Variants in CHAT observed in about 807,000 individuals in gnomAD.
CHAT encodes choline O-acetyltransferase.
A neutral mutation model predicts 76.9 loss-of-function variants in CHAT; 61 were observed. The ratio of observed to expected loss-of-function variants is 0.79; its 90% confidence interval spans 0.65 to 0.98. CHAT has a LOEUF of 0.98. CHAT is among the 50% of genes least tolerant of loss of function. The probability of loss-of-function intolerance (pLI) is 0.00; values close to 1 mark genes in which losing one functional copy is unlikely to be tolerated. For missense variants in CHAT, 946 were observed against 986.9 expected (o/e 0.96, Z 0.56); for synonymous variants, 407 against 397.4 (o/e 1.02, Z -0.29).
At chr10:49,623,641 T>G (rs1163955637) in intron 5 of CHAT, among the ~76,000 whole-genome samples, 1 of 152,118 alleles carries the variant, frequency 6.6e-6, no homozygotes, top group Non-Finnish European at 1.5e-5. Context: ...CCGGGGTGTC[T>G]CTCAGTCATT....
At position 49,619,748 on chromosome 10, in the gene CHAT, C is replaced by T. The variant is rs764063564; in HGVS notation, c.411C>T (p.Pro137=). 6.2e-7 allele frequency: 1 copy of T among 1,613,084 alleles called. No individual in the cohort carries two copies. Among genetic ancestry groups the T allele is most frequent in the Admixed American group, 1.7e-5 (1 of 60,024 alleles). Residue 137 remains proline (P), a synonymous_variant, in exon 3 of 15, where the codon CCC becomes CCT. Coordinates refer to ENST00000337653, the MANE Select transcript of CHAT (RefSeq NM_020549.5). ...AGGGGCTGCCCAAACTGCCCGTGCCCCCGCTGCAGCAGACCCTGGCCACGT... is the reference window on the plus strand; with the variant it reads ...AGGGGCTGCCCAAACTGCCCGTGCCTCCGCTGCAGCAGACCCTGGCCACGT... The part of the protein sequence containing the change: ...EESGLPKLPV[P]PLQQTLATYL...
chr10:49,664,265 C>G (rs1453879693), intron 14 of CHAT, among the ~76,000 whole-genome samples: 2 of 152,196 alleles, frequency 1.3e-5, no homozygotes, highest in Non-Finnish European at 2.9e-5. Context: ...AAACACCCAA[C>G]TCTGGGTAAT....
chr10:49,610,234 C>A (rs112117098), upstream of CHAT: 7,161 of 152,458 alleles, frequency 0.047, 581 homozygotes, highest in African/African-American at 0.16. Context: ...GGCCCGGGCA[C>A]CACTCGGGGG....
intron 5 of CHAT, among the ~76,000 whole-genome samples, chr10:49,623,876 C>T (rs1287575407): frequency 6.6e-6 from 1 of 152,224 alleles, no homozygotes; most frequent in Non-Finnish European, 1.5e-5. Context: ...CTCCCTCCTC[C>T]TTCCCTGCTG....
At position 49,641,574 on chromosome 10, in the gene CHAT, C is replaced by A. The variant is rs150165980; in HGVS notation, c.1112-4931C>A. 2.5e-3 allele frequency among the ~76,000 whole-genome samples: 375 copies of A among 152,184 alleles called. 3 individuals carry two copies. Among genetic ancestry groups the A allele is most frequent in the African/African-American group, 8.7e-3 (362 of 41,520 alleles). The stretch of plus-strand genomic sequence containing the variant: ...CTGAGGACTGACAGCATAAAGATCA[C>A]CCCCTAGGCCAGAGAGTCGGGAAGA... On this transcript the variant is annotated intron_variant, in intron 7 of 14. Transcript: ENST00000337653.
intron 7 of CHAT, among the ~76,000 whole-genome samples, chr10:49,645,903 G>T (rs568827460): frequency 6.6e-6 from 1 of 152,180 alleles, no homozygotes; most frequent in Non-Finnish European, 1.5e-5. Flanking sequence ...TCCAGATGTG[G>T]GTTCAAGGCA....
intron 7 of CHAT, among the ~76,000 whole-genome samples, chr10:49,642,400 CCTGT>C (rs1257166888): frequency 6.6e-6 from 1 of 152,196 alleles, no homozygotes; most frequent in Non-Finnish European, 1.5e-5. Flanking sequence ...CCCATTTTAC[CCTGT>C]CTAATGAGCC....
In CHAT at chr10:49,619,913, C is replaced by T. The variant is rs150236872; in HGVS notation, c.576C>T (p.Asn192=). The part of the protein sequence containing the change: ...KLLERQEKTA[N]WVSEYWLNDM... ...TGGAGCGGCAGGAGAAGACAGCCAACTGGGTAAGAGGGGCAGACAAGGAAC... is the reference window on the plus strand; with the variant it reads ...TGGAGCGGCAGGAGAAGACAGCCAATTGGGTAAGAGGGGCAGACAAGGAAC... The change falls in exon 3 of 15, where the codon AAC becomes AAT. Residue 192 remains asparagine, a synonymous_variant. Transcript: ENST00000337653. The T allele has an allele frequency of 3.1e-4, 495 of 1,610,814 alleles. No individual in the cohort carries two copies. The African/African-American group carries it at 5.9e-3, about 19-fold the overall frequency.
At chr10:49,646,280 G>A (rs889471127) in intron 7 of CHAT, among the ~76,000 whole-genome samples, 32 of 152,222 alleles carry the variant, frequency 2.1e-4, no homozygotes, top group Admixed American at 1.2e-3. Flanking sequence ...TGCAGGGACC[G>A]TGCGAATGAG....
intron 5 of CHAT, among the ~76,000 whole-genome samples, chr10:49,623,078 C>T (rs577697369): frequency 6.6e-6 from 1 of 152,322 alleles, no homozygotes; most frequent in East Asian, 1.9e-4. Flanking sequence ...GCTCTGCTCA[C>T]TCCTCTCTAA....
Position 49,614,464 on chromosome 10 carries a change from C to A in CHAT, c.275C>A (p.Pro92Gln), listed in dbSNP as rs372298555. 13 of 1,546,690 alleles carry A rather than the reference C, an allele frequency of 8.4e-6. No homozygotes were observed. The Admixed American group carries it at 2.4e-4, about 28-fold the overall frequency. The stretch of plus-strand genomic sequence containing the variant: ...GCAGCGTCGGCCGAGGCAGCAGAGC[C>A]GAGGAGAGCAGGTGAGAAGAAGGGC... ...CGAASAEAAEPRRAGPHLCIP... is the reference protein window; with the variant it reads ...CGAASAEAAEQRRAGPHLCIP... The change falls in exon 1 of 15, where the codon CCG (proline) becomes CAG (glutamine). Residue 92 changes from proline to glutamine, a missense_variant. Physicochemically the swap from Pro to Gln is moderately conservative, Grantham distance 76 (BLOSUM62 -1). Around this residue, in one of 3 missense-constraint regions of CHAT, gnomAD observed 548 missense variants for 516.2 expected, o/e 1.06. Coordinates refer to ENST00000337653, the MANE Select transcript of CHAT (RefSeq NM_020549.5).
chr10:49,655,049 C>T, intron 11 of CHAT, 46 bp from the exon 12 acceptor site: 1 of 1,610,306 alleles, frequency 6.2e-7, no homozygotes, highest in Middle Eastern at 1.7e-4. Context: ...TTTATGATTT[C>T]CCAAGAATAA....
intron 14 of CHAT, among the ~76,000 whole-genome samples, chr10:49,664,525 C>T (rs530794684): frequency 2.7e-4 from 41 of 152,332 alleles, no homozygotes; most frequent in Admixed American, 1.6e-3. Context: ...CAGGTCACTC[C>T]GGGAGCTTCC....
At chr10:49,634,851 G>C (rs866016590) in intron 7 of CHAT, among the ~76,000 whole-genome samples, 2 of 152,054 alleles carry the variant, frequency 1.3e-5, no homozygotes, top group Non-Finnish European at 2.9e-5. Context: ...AACACTTCTT[G>C]GTTCTTAAGT....
At chr10:49,622,669 G>A (rs996179032) in intron 5 of CHAT, among the ~76,000 whole-genome samples, 1 of 152,194 alleles carries the variant, frequency 6.6e-6, no homozygotes, top group African/African-American at 2.4e-5. Context: ...AGGAGAGCAG[G>A]AGGGTGTCTG....
At chr10:49,645,611 A>C (rs920485843) in intron 7 of CHAT, among the ~76,000 whole-genome samples, 6 of 152,004 alleles carry the variant, frequency 3.9e-5, no homozygotes, top group African/African-American at 1.4e-4. Flanking sequence ...TGCCCTGTGG[A>C]GGAAGCTGCC....
upstream of CHAT, among the ~76,000 whole-genome samples, chr10:49,609,662 T>C (rs1261025298): frequency 6.6e-6 from 1 of 151,240 alleles, no homozygotes; most frequent in African/African-American, 2.5e-5. Flanking sequence ...GGCCGAGAAA[T>C]TCTGCGGAGG....
chr10:49,634,125 T>TGA (rs1166800309), intron 7 of CHAT, among the ~76,000 whole-genome samples: 1 of 152,194 alleles, frequency 6.6e-6, no homozygotes, highest in Non-Finnish European at 1.5e-5. Context: ...GCTGGGCCAA[T>TGA]GCCTCCCTCC....
intron 7 of CHAT, among the ~76,000 whole-genome samples, chr10:49,643,027 C>G (rs1307278606): frequency 6.6e-6 from 1 of 152,212 alleles, no homozygotes; most frequent in Non-Finnish European, 1.5e-5. Flanking sequence ...GAGATCAAAC[C>G]CAGCTCCCTC....
Sources: gnomAD v4.1 joint callset for allele counts (sites outside exome capture counted in the v4.1 genomes callset) on GRCh38, gnomAD v4.1.1 for gene constraint, gnomAD v4.1.1 regional missense constraint, MANE v1.5 for transcripts, NCBI Gene and HGNC (gene_info 2026-07-23, HGNC 2026-07-21) for gene names.